SEMA5A: variants seen among roughly 807,000 people sequenced by gnomAD.
SEMA5A encodes semaphorin-5A.
In SEMA5A, 55 loss-of-function variants were observed where a neutral mutation model predicts 135.5. That is an observed-to-expected ratio of 0.41 (90% CI 0.33 to 0.51). The LOEUF (loss-of-function observed/expected upper bound fraction) is 0.51. Among genes scored for constraint, SEMA5A ranks in the 20% least tolerant of loss-of-function variants. SEMA5A has a pLI of 0.37. For synonymous variants in SEMA5A, 580 were observed against 546.5 expected (o/e 1.06, Z -0.85); for missense variants, 1,290 against 1,419.9 (o/e 0.91, Z 1.47).
At chr5:9,501,186 G>A (rs764847921) in intron 1 of SEMA5A, among the ~76,000 whole-genome samples, 33 of 152,182 alleles carry the variant, frequency 2.2e-4, no homozygotes, top group Non-Finnish European at 3.8e-4. Flanking sequence ...CACCACAGCA[G>A]TTTCATGCAA....
chr5:9,083,795 A>G (rs966158522), intron 16 of SEMA5A, among the ~76,000 whole-genome samples: 2 of 152,236 alleles, frequency 1.3e-5, no homozygotes, highest in African/African-American at 4.8e-5. Context: ...AGGAGTTAAG[A>G]TGCAAGAGGG....
chr5:9,504,448 A>G (rs1322060517), intron 1 of SEMA5A, among the ~76,000 whole-genome samples: 1 of 152,206 alleles, frequency 6.6e-6, no homozygotes, highest in African/African-American at 2.4e-5. Context: ...ATGCAGAAGT[A>G]AGCAGGGCAA....
At chr5:9,175,002 C>T (rs1227482684) in intron 11 of SEMA5A, among the ~76,000 whole-genome samples, 4 of 152,122 alleles carry the variant, frequency 2.6e-5, no homozygotes, top group Non-Finnish European at 5.9e-5. Flanking sequence ...CAAATTATTC[C>T]ACATTTTATG....
intron 1 of SEMA5A, chr5:9,520,011 C>T (rs1043673837): frequency 3.3e-5 from 5 of 152,228 alleles, no homozygotes; most frequent in Non-Finnish European, 5.9e-5. Flanking sequence ...TTGAATCCCA[C>T]AATTCTCGAA....
intron 16 of SEMA5A, among the ~76,000 whole-genome samples, chr5:9,071,628 T>C (rs1737774214): frequency 6.6e-6 from 1 of 152,068 alleles, no homozygotes; most frequent in Admixed American, 6.5e-5. Flanking sequence ...CTTGAGAAAA[T>C]TAAAATATCT....
chr5:9,520,283 C>T (rs1158696986), intron 1 of SEMA5A, among the ~76,000 whole-genome samples: 1 of 152,176 alleles, frequency 6.6e-6, no homozygotes, highest in African/African-American at 2.4e-5. Flanking sequence ...GGCTCTGCCT[C>T]GTGGGACCCA....
chr5:9,181,993 T>C (rs986907955), intron 11 of SEMA5A, among the ~76,000 whole-genome samples: 1 of 152,104 alleles, frequency 6.6e-6, no homozygotes, highest in Non-Finnish European at 1.5e-5. Context: ...CAATTTTCCA[T>C]GAAAGACAGC....
intron 12 of SEMA5A, among the ~76,000 whole-genome samples, chr5:9,145,763 C>A (rs761878676): frequency 1.5e-4 from 22 of 150,336 alleles, no homozygotes; most frequent in Admixed American, 1.1e-3. Flanking sequence ...CTCAGCCTCC[C>A]GAGTAGCTGA....
intron 5 of SEMA5A, chr5:9,280,895 T>C (rs1393308334): frequency 1.4e-5 from 4 of 278,702 alleles, no homozygotes; most frequent in East Asian, 9.5e-5. Flanking sequence ...TATCTGTGTG[T>C]ATACAATTTA....
At chr5:9,489,421 G>A (rs1288865674) in intron 1 of SEMA5A, among the ~76,000 whole-genome samples, 2 of 152,066 alleles carry the variant, frequency 1.3e-5, no homozygotes, top group African/African-American at 4.8e-5. Flanking sequence ...TAGGAAACAG[G>A]CCCTGTGTCT....
chr5:9,198,306 T>G (rs1194582794), intron 9 of SEMA5A, among the ~76,000 whole-genome samples: 1 of 152,190 alleles, frequency 6.6e-6, no homozygotes, highest in African/African-American at 2.4e-5. Flanking sequence ...CCCATTCATT[T>G]AATCCTCATA....
intron 15 of SEMA5A, among the ~76,000 whole-genome samples, chr5:9,117,611 C>A (rs1369109496): frequency 6.6e-6 from 1 of 151,946 alleles, no homozygotes; most frequent in Non-Finnish European, 1.5e-5. Context: ...ATTTTGACGG[C>A]AAAAGTCAAA....
chr5:9,157,669 C>T (rs1357260066), intron 11 of SEMA5A, among the ~76,000 whole-genome samples: 1 of 152,220 alleles, frequency 6.6e-6, no homozygotes, highest in Admixed American at 6.5e-5. Context: ...TCCATCCTTG[C>T]CTGTGCCTCT....
intron 1 of SEMA5A, among the ~76,000 whole-genome samples, chr5:9,483,817 G>T (rs769853645): frequency 6.6e-6 from 1 of 152,076 alleles, no homozygotes; most frequent in Non-Finnish European, 1.5e-5. Flanking sequence ...AAATAAATAC[G>T]CAAAGCCTTG....
intron 16 of SEMA5A, among the ~76,000 whole-genome samples, chr5:9,101,707 G>A (rs1430156632): frequency 6.6e-6 from 1 of 152,058 alleles, no homozygotes; most frequent in Non-Finnish European, 1.5e-5. Context: ...ACAGCTTCCA[G>A]ACACATCAAT....
Position 9,066,402 on chromosome 5 carries a change from CCACGGAAT to C in SEMA5A, c.2299+11_2299+18del. ...CCCTTCCATGGAAGTGGGTCAGTCCCCACGGAATCACTACTCACCATCTGTGGAGCAGC... is the reference window on the plus strand; with the variant it reads ...CCCTTCCATGGAAGTGGGTCAGTCCCCACTACTCACCATCTGTGGAGCAGC... On this transcript the variant is annotated intron_variant, in intron 17 of 22. Coordinates refer to ENST00000382496, the MANE Select transcript of SEMA5A (RefSeq NM_003966.3). The C allele has an allele frequency of 6.2e-7, 1 of 1,611,574 alleles. No homozygotes were observed. The highest frequency in any genetic ancestry group is 8.5e-7 in the Non-Finnish European group (1 of 1,177,672).
intron 2 of SEMA5A, among the ~76,000 whole-genome samples, chr5:9,428,920 G>A (rs1025737110): frequency 5.3e-5 from 8 of 152,194 alleles, no homozygotes; most frequent in African/African-American, 1.9e-4. Context: ...GTGCCAGAGT[G>A]TTAAGTATTG....
At chr5:9,128,739 TC>T (rs1338438753) in intron 13 of SEMA5A, among the ~76,000 whole-genome samples, 6 of 152,214 alleles carry the variant, frequency 3.9e-5, no homozygotes, top group African/African-American at 1.4e-4. Context: ...TCCCAAAGAA[TC>T]CCTAGCTACT....
rs754634746 is a variant in SEMA5A at position 9,318,364 on chromosome 5, G to C, written c.270+8C>G. The C allele has an allele frequency of 1.2e-6, 2 of 1,610,618 alleles. No homozygotes were observed. The highest frequency in any genetic ancestry group is 1.1e-5 in the South Asian group (1 of 90,274). On this transcript the variant is annotated splice_region_variant and intron_variant, in intron 5 of 22. Transcript: ENST00000382496. ...AATGAAAGCTTGAGAAAAATAAATTGCACCTACCTGGATAAGAGACAGATC... is the reference window on the plus strand; with the variant it reads ...AATGAAAGCTTGAGAAAAATAAATTCCACCTACCTGGATAAGAGACAGATC...
Sources: gnomAD v4.1 joint callset for allele counts (sites outside exome capture counted in the v4.1 genomes callset) on GRCh38, gnomAD v4.1.1 for gene constraint, MANE v1.5 for transcripts, NCBI Gene and HGNC (gene_info 2026-07-23, HGNC 2026-07-21) for gene names.